LMBR1: variants seen among roughly 807,000 people sequenced by gnomAD.
LMBR1 encodes the protein limb development membrane protein 1, also known as limb region 1 protein homolog.
A neutral mutation model predicts 73.9 loss-of-function variants in LMBR1; 52 were observed. The ratio of observed to expected loss-of-function variants is 0.70; its 90% confidence interval spans 0.56 to 0.89. The LOEUF (loss-of-function observed/expected upper bound fraction) is 0.89. LMBR1 is among the 40% of genes least tolerant of loss of function. The pLI, the probability that LMBR1 is intolerant of heterozygous loss-of-function variation, is 0.00. For missense variants in LMBR1, 539 were observed against 579.8 expected (o/e 0.93, Z 0.72); for synonymous variants, 215 against 209.4 (o/e 1.03, Z -0.23).
intron 1 of LMBR1, among the ~76,000 whole-genome samples, chr7:156,840,410 G>C (rs1206440605): frequency 1.3e-5 from 2 of 151,808 alleles, no homozygotes; most frequent in African/African-American, 2.4e-5. Context: ...GAGGAACGGG[G>C]GAGGATTTGA....
chr7:156,690,528 G>T (rs1259170547), intron 15 of LMBR1, among the ~76,000 whole-genome samples: 1 of 152,130 alleles, frequency 6.6e-6, no homozygotes, highest in African/African-American at 2.4e-5. Context: ...TTGCAAAACG[G>T]GAAAGTGCTT....
intron 5 of LMBR1, among the ~76,000 whole-genome samples, chr7:156,780,460 T>C (rs1318973336): frequency 6.6e-6 from 1 of 152,168 alleles, no homozygotes; most frequent in Non-Finnish European, 1.5e-5. Flanking sequence ...AACTGAATTA[T>C]AAAAAGACTA....
intron 15 of LMBR1, among the ~76,000 whole-genome samples, chr7:156,701,299 G>A (rs1809620925): frequency 3.9e-5 from 6 of 152,130 alleles, no homozygotes; most frequent in Admixed American, 3.9e-4. Context: ...ACAACTCAAA[G>A]GTCTTCCAAT....
intron 1 of LMBR1, among the ~76,000 whole-genome samples, chr7:156,842,069 G>C (rs1310366976): frequency 6.6e-6 from 1 of 150,828 alleles, no homozygotes; most frequent in African/African-American, 2.4e-5. Flanking sequence ...GTAGTTACGT[G>C]TGGTGAAAGC....
intron 1 of LMBR1, among the ~76,000 whole-genome samples, chr7:156,883,936 G>C (rs903380416): frequency 5.3e-5 from 8 of 152,124 alleles, no homozygotes; most frequent in Non-Finnish European, 8.8e-5. Context: ...ACACACCACA[G>C]GCTCCAGGGA....
At chr7:156,822,636 CAAATATTAT>C (rs1208856839) in intron 4 of LMBR1, 4 of 150,658 alleles carry the variant, frequency 2.7e-5, no homozygotes, top group Admixed American at 2.6e-4. Context: ...AAAGAAAAAC[CAAATATTAT>C]AAAAAATATT....
chr7:156,719,225 T>C (rs1314833488), intron 15 of LMBR1, among the ~76,000 whole-genome samples: 3 of 146,352 alleles, frequency 2.0e-5, no homozygotes, highest in Non-Finnish European at 4.5e-5. Context: ...AGTGAGAACA[T>C]GTGGTGTTTG....
chr7:156,719,685 G>A (rs1215623290), intron 15 of LMBR1, among the ~76,000 whole-genome samples: 36 of 152,090 alleles, frequency 2.4e-4, no homozygotes, highest in African/African-American at 7.9e-4. Context: ...GAGGCATCAT[G>A]CTACCTGACT....
intron 5 of LMBR1, among the ~76,000 whole-genome samples, chr7:156,790,093 T>C (rs1828935902): frequency 6.6e-6 from 1 of 151,916 alleles, no homozygotes; most frequent in African/African-American, 2.4e-5. Flanking sequence ...CAAATACCTA[T>C]TTTTTTACAA....
chr7:156,799,688 C>A (rs529932302), intron 4 of LMBR1, among the ~76,000 whole-genome samples: 1 of 152,122 alleles, frequency 6.6e-6, no homozygotes, highest in African/African-American at 2.4e-5. Flanking sequence ...CTCTCACTTT[C>A]AATCAAAAGC....
chr7:156,699,296 A>C (rs909788315), intron 15 of LMBR1, among the ~76,000 whole-genome samples: 7 of 152,284 alleles, frequency 4.6e-5, no homozygotes, highest in East Asian at 1.9e-4. Flanking sequence ...CAAAAACAAG[A>C]AATGGGGAAA....
At chr7:156,853,170 C>G (rs1038523121) in intron 1 of LMBR1, among the ~76,000 whole-genome samples, 1 of 151,806 alleles carries the variant, frequency 6.6e-6, no homozygotes, top group African/African-American at 2.4e-5. Flanking sequence ...GATCTCCTGA[C>G]CTCATGATCT....
At chr7:156,726,552 G>C (rs1022228020) in intron 12 of LMBR1, among the ~76,000 whole-genome samples, 11 of 151,576 alleles carry the variant, frequency 7.3e-5, no homozygotes, top group Admixed American at 2.0e-4. Context: ...ACTAATAAAA[G>C]AAACTATCTG....
chr7:156,674,294 G>A (rs1803304414), downstream of LMBR1, among the ~76,000 whole-genome samples: 1 of 152,198 alleles, frequency 6.6e-6, no homozygotes, highest in African/African-American at 2.4e-5. Context: ...AGAGACATGA[G>A]CCACGTCCAT....
intron 9 of LMBR1, among the ~76,000 whole-genome samples, chr7:156,750,974 G>T (rs1820767208): frequency 6.6e-6 from 1 of 151,938 alleles, no homozygotes; most frequent in South Asian, 2.1e-4. Flanking sequence ...GCCGGGTATG[G>T]TGGTGGGCGC....
intron 9 of LMBR1, 52 bp downstream of exon 9, chr7:156,756,341 T>G: frequency 2.2e-6 from 2 of 890,982 alleles, no homozygotes; most frequent in Non-Finnish European, 3.7e-6. Flanking sequence ...TCTATCTTTT[T>G]GAAATTAAAA....
At chr7:156,749,060 TG>T (rs1467740440) in intron 9 of LMBR1, among the ~76,000 whole-genome samples, 1 of 152,172 alleles carries the variant, frequency 6.6e-6, no homozygotes, top group South Asian at 2.1e-4. Context: ...TGGACACAAA[TG>T]TTTTTTGATT....
downstream of LMBR1, among the ~76,000 whole-genome samples, chr7:156,674,917 T>A (rs1373431087): frequency 6.6e-6 from 1 of 152,206 alleles, no homozygotes; most frequent in Non-Finnish European, 1.5e-5. Flanking sequence ...TTCAAATGTG[T>A]TCCTGCTAAT....
At chr7:156,794,516 T>C (rs1829766616) in intron 5 of LMBR1, among the ~76,000 whole-genome samples, 1 of 152,192 alleles carries the variant, frequency 6.6e-6, no homozygotes, top group African/African-American at 2.4e-5. Flanking sequence ...GTCCCTTTCC[T>C]AGTTGGTTAA....
Sources: allele counts gnomAD v4.1 joint callset (sites outside exome capture counted in the v4.1 genomes callset), GRCh38; gene constraint gnomAD v4.1.1; transcripts MANE v1.5; gene names NCBI Gene and HGNC (gene_info 2026-07-23, HGNC 2026-07-21).